Variants in SHISA9 observed in about 807,000 individuals in gnomAD.
SHISA9 encodes the protein protein shisa-9.
SHISA9 carries 13 observed loss-of-function variants against 38.0 expected under a neutral mutation model. The ratio of observed to expected loss-of-function variants is 0.34; its 90% CI spans 0.22 to 0.54. SHISA9 has a LOEUF of 0.54. Among genes scored for constraint, SHISA9 ranks in the 20% least tolerant of loss-of-function variants. SHISA9 has a pLI of 0.91. For synonymous variants in SHISA9, 275 were observed against 242.0 expected, an observed-to-expected ratio of 1.14 and a Z score of -1.27; for missense variants, 538 against 575.8, an observed-to-expected ratio of 0.93 and a Z score of 0.67.
chr16:13,433,112 A>AG, the SHISA9 span, among the ~76,000 whole-genome samples: 1 of 69,042 alleles, frequency 1.4e-5, no homozygotes. Context: ...AATGAAAAAA[A>AG]AAAAGACAAT....
chr16:13,054,776 C>T (rs926116129), intron 2 of SHISA9, among the ~76,000 whole-genome samples: 1 of 152,334 alleles, frequency 6.6e-6, no homozygotes, highest in African/African-American at 2.4e-5. Flanking sequence ...TCCAGCCCCT[C>T]TCATGAGTGA....
At chr16:12,978,343 A>G (rs555600222) in intron 2 of SHISA9, among the ~76,000 whole-genome samples, 6 of 152,336 alleles carry the variant, frequency 3.9e-5, no homozygotes, top group African/African-American at 1.4e-4. Flanking sequence ...TCAAATTATG[A>G]TAGCCGATTT....
At chr16:13,529,063 G>A in the SHISA9 span, among the ~76,000 whole-genome samples, 24 of 152,186 alleles carry the variant, frequency 1.6e-4, no homozygotes, top group Non-Finnish European at 2.2e-4. Flanking sequence ...GAAAAACTGA[G>A]TTCCCACCAT....
At chr16:13,197,180 G>T (rs969770646) in intron 2 of SHISA9, among the ~76,000 whole-genome samples, 10 of 150,458 alleles carry the variant, frequency 6.6e-5, no homozygotes, top group African/African-American at 9.8e-5. Flanking sequence ...GAGAGAGAGA[G>T]ATAACATGAG....
intron 3 of SHISA9, among the ~76,000 whole-genome samples, chr16:13,207,725 A>G (rs1467312350): frequency 1.3e-5 from 2 of 152,248 alleles, no homozygotes; most frequent in Non-Finnish European, 2.9e-5. Flanking sequence ...CCAGGAATCC[A>G]GCATCTGCCT....
In SHISA9 at chr16:13,240,131, G is replaced by T. The variant is rs1339965240; in HGVS notation, c.*4722G>T. 1.3e-5 allele frequency: 2 copies of T among 152,206 alleles called. No homozygotes were observed. The highest frequency in any genetic ancestry group is 2.9e-5 in the Non-Finnish European group (2 of 68,048). 9.4% of individuals were successfully genotyped at this position (152,206 alleles called of 1,614,324 possible). On this transcript the variant is annotated 3_prime_UTR_variant, in exon 5 of 5. Transcript: ENST00000558583. Reference sequence around the variant, plus strand: ...CCCTTTGCCCTTTCACAGTGTCTCAGCCTCCATCTGCCTTGGGCTCCGCCT... The same window carrying T: ...CCCTTTGCCCTTTCACAGTGTCTCATCCTCCATCTGCCTTGGGCTCCGCCT...
chr16:13,231,460 T>C (rs946772970), intron 4 of SHISA9, among the ~76,000 whole-genome samples: 1 of 152,240 alleles, frequency 6.6e-6, no homozygotes, highest in Non-Finnish European at 1.5e-5. Context: ...AGCTCTAATA[T>C]TAACTTGTGC....
the SHISA9 span, among the ~76,000 whole-genome samples, chr16:13,342,137 C>G: frequency 6.6e-6 from 1 of 152,204 alleles, no homozygotes; most frequent in African/African-American, 2.4e-5. Context: ...AATTCTCTCC[C>G]TGATTACATG....
chr16:13,189,554 A>G (rs1402848727), intron 2 of SHISA9, among the ~76,000 whole-genome samples: 2 of 152,176 alleles, frequency 1.3e-5, no homozygotes, highest in Non-Finnish European at 2.9e-5. Flanking sequence ...TACGTGGTTA[A>G]TGTGCCTTTT....
At chr16:12,943,326 TGTGTGAGAGAGAGA>T (rs2071644397) in intron 2 of SHISA9, among the ~76,000 whole-genome samples, 2 of 19,966 alleles carry the variant, frequency 1.0e-4, no homozygotes, top group Admixed American at 9.3e-4. Context: ...TGTGTGTGTG[TGTGTGAGAGAGAGA>T]GAGAGAGAGA....
intron 2 of SHISA9, among the ~76,000 whole-genome samples, chr16:12,922,536 T>G (rs754174594): frequency 3.3e-5 from 5 of 152,238 alleles, no homozygotes; most frequent in African/African-American, 7.2e-5. Context: ...TCTTTTCTTT[T>G]TGAGATGGAG....
intron 2 of SHISA9, among the ~76,000 whole-genome samples, chr16:13,175,648 A>C (rs1196036694): frequency 6.6e-6 from 1 of 152,192 alleles, no homozygotes; most frequent in Non-Finnish European, 1.5e-5. Context: ...TCTTAAAGGA[A>C]CTTGGAATAT....
At chr16:13,060,697 G>T (rs986546308) in intron 2 of SHISA9, among the ~76,000 whole-genome samples, 1 of 149,406 alleles carries the variant, frequency 6.7e-6, no homozygotes, top group African/African-American at 2.5e-5. Context: ...TGGAAGCAAT[G>T]ATGTGGGTTC....
intron 2 of SHISA9, among the ~76,000 whole-genome samples, chr16:13,200,440 A>ACACACACACACACACACAG (rs201359350): frequency 5.2e-4 from 78 of 150,142 alleles, no homozygotes; most frequent in African/African-American, 1.8e-3. Context: ...ACACACACAC[A>ACACACACACACACACACAG]CAGCAGCAGC....
chr16:13,377,839 C>G, the SHISA9 span, among the ~76,000 whole-genome samples: 4 of 151,940 alleles, frequency 2.6e-5, no homozygotes, highest in Non-Finnish European at 5.9e-5. Context: ...ACCAGCCTGT[C>G]CAACATGGTG....
chr16:13,383,223 C>T, the SHISA9 span, among the ~76,000 whole-genome samples: 4 of 152,142 alleles, frequency 2.6e-5, no homozygotes, highest in Non-Finnish European at 5.9e-5. Context: ...CCTTTCTCAT[C>T]AGGGAAGACT....
At chr16:13,429,111 C>CG in the SHISA9 span, among the ~76,000 whole-genome samples, 1 of 152,068 alleles carries the variant, frequency 6.6e-6, no homozygotes, top group East Asian at 1.9e-4. Flanking sequence ...GGATGGATGA[C>CG]GGGATAGTTT....
intron 2 of SHISA9, among the ~76,000 whole-genome samples, chr16:12,931,934 G>T (rs2071466883): frequency 6.6e-6 from 1 of 152,170 alleles, no homozygotes; most frequent in Non-Finnish European, 1.5e-5. Context: ...TACATGTCAT[G>T]GGAGAGACCT....
chr16:13,525,954 C>G, the SHISA9 span, among the ~76,000 whole-genome samples: 2 of 152,228 alleles, frequency 1.3e-5, no homozygotes, highest in African/African-American at 4.8e-5. Flanking sequence ...CAAGGTGGCC[C>G]TCCATGGTGT....
Sources: allele counts gnomAD v4.1 joint callset (sites outside exome capture counted in the v4.1 genomes callset), GRCh38; gene constraint gnomAD v4.1.1; transcripts MANE v1.5; gene names NCBI Gene and HGNC (gene_info 2026-07-23, HGNC 2026-07-21).